EPHA3: variants seen among roughly 807,000 people sequenced by gnomAD.
EPHA3 encodes the protein EPH receptor A3.
In EPHA3, 42 loss-of-function variants were observed where a neutral mutation model predicts 107.1. That is an observed-to-expected ratio of 0.39 (90% CI 0.31 to 0.51). The LOEUF (loss-of-function observed/expected upper bound fraction) is 0.51. EPHA3 is among the 20% of genes least tolerant of loss of function. EPHA3 has a pLI of 0.78. For synonymous variants in EPHA3, 461 were observed against 424.8 expected, an observed-to-expected ratio of 1.09 and a Z score of -1.05; for missense variants, 1,183 against 1,211.2, an observed-to-expected ratio of 0.98 and a Z score of 0.35.
At chr3:89,303,846 T>C (rs1706548144) in intron 3 of EPHA3, among the ~76,000 whole-genome samples, 1 of 152,168 alleles carries the variant, frequency 6.6e-6, no homozygotes, top group Non-Finnish European at 1.5e-5. Flanking sequence ...ATAGTTCAGA[T>C]GACTCTTTGT....
At chr3:89,140,983 A>G (rs1401333255) in intron 2 of EPHA3, among the ~76,000 whole-genome samples, 1 of 151,672 alleles carries the variant, frequency 6.6e-6, no homozygotes, top group African/African-American at 2.4e-5. Context: ...AATTCTCACC[A>G]CAATCCCATG....
At chr3:89,205,010 A>G (rs1706066058) in intron 2 of EPHA3, among the ~76,000 whole-genome samples, 1 of 152,208 alleles carries the variant, frequency 6.6e-6, no homozygotes, top group Non-Finnish European at 1.5e-5. Flanking sequence ...AATAATGTAA[A>G]TGTAACAATA....
At chr3:89,290,957 T>C (rs150375110) in intron 3 of EPHA3, among the ~76,000 whole-genome samples, 1,944 of 152,226 alleles carry the variant, frequency 0.013, 16 homozygotes, top group Non-Finnish European at 0.017. Context: ...ATACCAAGGG[T>C]ATATTGAGTT....
At chr3:89,140,726 T>G (rs1704413323) in intron 2 of EPHA3, among the ~76,000 whole-genome samples, 3 of 151,784 alleles carry the variant, frequency 2.0e-5, no homozygotes, top group Non-Finnish European at 3.0e-5. Flanking sequence ...ATTTCAGAAG[T>G]GAAAATATAT....
Position 89,397,686 on chromosome 3 carries a change from C to T in EPHA3, c.1432-1632C>T, listed in dbSNP as rs552802376. On this transcript the variant is annotated intron_variant, in intron 6 of 16. Coordinates refer to ENST00000336596, the MANE Select transcript of EPHA3 (RefSeq NM_005233.6). ...GCCACCTCCGCCTCCCAGGTTCAAG[C>T]GATTCTCCTGCCTCAGCCTCCCAAG... Among the ~76,000 whole-genome samples, 23 of 151,272 alleles carry T rather than the reference C, an allele frequency of 1.5e-4. No individual in the cohort carries two copies. The South Asian group carries it at 2.9e-3, about 19-fold the overall frequency.
Position 89,383,142 on chromosome 3 carries a change from C to G in EPHA3, c.1307-12695C>G, listed in dbSNP as rs556944219. Among the ~76,000 whole-genome samples, 21 of 152,282 alleles carry G rather than the reference C, an allele frequency of 1.4e-4. No homozygotes were observed. The South Asian group carries it at 3.7e-3, about 27-fold the overall frequency. On this transcript the variant is annotated intron_variant, in intron 5 of 16. Coordinates refer to ENST00000336596, the MANE Select transcript of EPHA3 (RefSeq NM_005233.6). ...TCAAGATATAGATTATTTCTAATTA[C>G]TGTAGAGTGTTCTCTGCTGTTCACT...
chr3:89,445,805 A>G (rs997243890), intron 13 of EPHA3, among the ~76,000 whole-genome samples: 1 of 152,214 alleles, frequency 6.6e-6, no homozygotes, highest in African/African-American at 2.4e-5. Flanking sequence ...GGCCTTTGCC[A>G]TTTCACAGGT....
intron 13 of EPHA3, among the ~76,000 whole-genome samples, chr3:89,435,447 A>G (rs1410195237): frequency 2.7e-5 from 4 of 146,214 alleles, no homozygotes; most frequent in Non-Finnish European, 6.0e-5. Flanking sequence ...TAAAAAATAT[A>G]TATATATATA....
Position 89,324,333 on chromosome 3 carries a change from A to AT in EPHA3, c.815-16574dup, listed in dbSNP as rs199592581. ...CAGATGTGTGCAAACATGCCGTGCT[A>AT]TTTTTTTTTGTATTTTTAGTAGAGA... On this transcript the variant is annotated intron_variant, in intron 3 of 16. Transcript: ENST00000336596. Among the ~76,000 whole-genome samples, 865 of 148,542 alleles carry AT rather than the reference A, an allele frequency of 5.8e-3. 6 individuals carry two copies. The highest frequency in any genetic ancestry group is 0.019 in the African/African-American group (770 of 40,512).
At chr3:89,239,358 A>G (rs958504374) in intron 3 of EPHA3, among the ~76,000 whole-genome samples, 1 of 152,300 alleles carries the variant, frequency 6.6e-6, no homozygotes. Context: ...TAACAGTTGT[A>G]TAATTTGGAT....
chr3:89,131,699 G>T (rs1302473152), intron 2 of EPHA3, among the ~76,000 whole-genome samples: 1 of 152,142 alleles, frequency 6.6e-6, no homozygotes, highest in African/African-American at 2.4e-5. Flanking sequence ...AAAAAGCACT[G>T]TCTGAAATGA....
intron 5 of EPHA3, among the ~76,000 whole-genome samples, chr3:89,352,675 G>A (rs1433557607): frequency 6.6e-6 from 1 of 150,714 alleles, no homozygotes; most frequent in East Asian, 1.9e-4. Context: ...AGGCCGAAGC[G>A]GGTGGATCAC....
At chr3:89,184,554 C>A (rs765392208) in intron 2 of EPHA3, among the ~76,000 whole-genome samples, 3 of 151,982 alleles carry the variant, frequency 2.0e-5, no homozygotes, top group Middle Eastern at 3.2e-3. Flanking sequence ...AATAAGCAAA[C>A]ACTGGAACAA....
intron 2 of EPHA3, among the ~76,000 whole-genome samples, chr3:89,189,074 G>C (rs1705641415): frequency 6.6e-6 from 1 of 152,168 alleles, no homozygotes; most frequent in African/African-American, 2.4e-5. Flanking sequence ...GAGTTAAATG[G>C]ATTCCAGTTT....
intron 3 of EPHA3, among the ~76,000 whole-genome samples, chr3:89,263,358 T>TC (rs1028717105): frequency 2.6e-5 from 4 of 152,168 alleles, no homozygotes; most frequent in Non-Finnish European, 5.9e-5. Flanking sequence ...GAGGCTGCCC[T>TC]CCACCAGCAA....
intron 1 of EPHA3, among the ~76,000 whole-genome samples, chr3:89,120,073 G>C (rs1269298171): frequency 6.6e-6 from 1 of 152,114 alleles, no homozygotes; most frequent in African/African-American, 2.4e-5. Flanking sequence ...TACCAAGATA[G>C]ACTGATTTTA....
At chr3:89,425,926 AC>A (rs1195600813) in intron 11 of EPHA3, among the ~76,000 whole-genome samples, 1 of 151,648 alleles carries the variant, frequency 6.6e-6, no homozygotes, top group Non-Finnish European at 1.5e-5. Context: ...ACTGATTATA[AC>A]AGACTGATTT....
intron 3 of EPHA3, 33 bp downstream of exon 3, chr3:89,210,553 A>G: frequency 6.6e-7 from 1 of 1,514,022 alleles, no homozygotes; most frequent in Non-Finnish European, 8.8e-7. Context: ...TTTGAGCAAT[A>G]TTTCTCACCT....
At chr3:89,436,114 CT>C (rs35237158) in intron 13 of EPHA3, among the ~76,000 whole-genome samples, 1 of 150,946 alleles carries the variant, frequency 6.6e-6, no homozygotes. Context: ...GAGCAGGACC[CT>C]TTTTCAAAAA....
Sources: allele counts gnomAD v4.1 joint callset (sites outside exome capture counted in the v4.1 genomes callset), GRCh38; gene constraint gnomAD v4.1.1; transcripts MANE v1.5; gene names NCBI Gene and HGNC (gene_info 2026-07-23, HGNC 2026-07-21).